EMP2: variants seen among roughly 807,000 people sequenced by gnomAD.
EMP2 encodes the protein epithelial membrane protein 2.
EMP2 carries 19 observed loss-of-function variants against 13.7 expected under a neutral mutation model. The observed-to-expected ratio is 1.38, with a 90% confidence interval of 0.97 to 2.03. The LOEUF (loss-of-function observed/expected upper bound fraction) is 2.03. Ranked by LOEUF, EMP2 falls within the 30% of genes most tolerant of loss-of-function variation. EMP2 has a pLI of 0.00. For synonymous variants in EMP2, 97 were observed against 84.7 expected (o/e 1.15, Z -0.80); for missense variants, 253 against 220.7 (o/e 1.15, Z -0.93).
Position 10,537,946 on chromosome 16 carries a change from TG to T in EMP2, c.297del (p.Ile100SerfsTer4). The T allele has an allele frequency of 6.2e-7, 1 of 1,614,126 alleles. No homozygotes were observed. Among genetic ancestry groups the T allele is most frequent in the Non-Finnish European group, 8.5e-7 (1 of 1,180,024 alleles). On this transcript the variant is annotated frameshift_variant, in exon 4 of 5. Coordinates refer to ENST00000359543, the MANE Select transcript of EMP2 (RefSeq NM_001424.6). LOFTEE classifies it low-confidence loss of function (END_TRUNC). ...TACTTACATGACATTAGCTGGATGA[TG>T]GAGGTTAGGACAAACCTCTCTCCCT... ...LKQGERFVLT[S>X]IIQLMSCLCV...
chr16:10,567,380 C>A (rs2050913821), intron 1 of EMP2, among the ~76,000 whole-genome samples: 1 of 152,196 alleles, frequency 6.6e-6, no homozygotes. Context: ...CCTTGGCAGC[C>A]CCATGGCCTC....
intron 2 of EMP2, chr16:10,544,090 G>C (rs1419862689): frequency 5.8e-6 from 1 of 171,626 alleles, no homozygotes; most frequent in African/African-American, 2.4e-5. Context: ...CTGACCTCAG[G>C]TGATCCGCCC....
chr16:10,552,522 T>C (rs966062866), intron 1 of EMP2, among the ~76,000 whole-genome samples: 13 of 152,220 alleles, frequency 8.5e-5, no homozygotes, highest in African/African-American at 3.1e-4. Flanking sequence ...CTAGTCAGTC[T>C]CCAATACTTG....
chr16:10,541,230 C>G (rs1009563760), intron 3 of EMP2, among the ~76,000 whole-genome samples: 1 of 109,706 alleles, frequency 9.1e-6, no homozygotes, highest in South Asian at 3.0e-4. Context: ...CAGCAAGACC[C>G]TGTCTCCACT....
chr16:10,536,199 G>T (rs2050645947), intron 4 of EMP2, among the ~76,000 whole-genome samples: 1 of 152,084 alleles, frequency 6.6e-6, no homozygotes, highest in South Asian at 2.1e-4. Context: ...CCTGGACTGG[G>T]GTTTCCTAGG....
In EMP2 at chr16:10,531,235, G is replaced by C. The variant is rs1346095419; in HGVS notation, c.*1670C>G. On this transcript the variant is annotated 3_prime_UTR_variant, in exon 5 of 5. Coordinates refer to ENST00000359543, the MANE Select transcript of EMP2 (RefSeq NM_001424.6). The stretch of plus-strand genomic sequence containing the variant: ...GATCCACCTGCCTCAGCCTCCCAAA[G>C]TGCTGGGATTACAGGTGTGAGCCAC... The C allele has an allele frequency of 6.6e-6, 1 of 152,148 alleles. No homozygotes were observed. 9.4% of individuals were successfully genotyped at this position (152,148 alleles called of 1,614,324 possible).
At chr16:10,540,538 A>ATAAATAAATAAATAAATAAC (rs1420012559) in intron 3 of EMP2, among the ~76,000 whole-genome samples, 1 of 151,702 alleles carries the variant, frequency 6.6e-6, no homozygotes, top group African/African-American at 2.4e-5. Flanking sequence ...AAATAAATAA[A>ATAAATAAATAAATAAATAAC]TAGATTTCTC....
chr16:10,546,981 T>C (rs948556748), intron 2 of EMP2: 3 of 151,850 alleles, frequency 2.0e-5, no homozygotes, highest in African/African-American at 7.2e-5. Context: ...AACCTGAACA[T>C]GGGACGGCCT....
Position 10,533,373 on chromosome 16 carries a change from C to T in EMP2, c.317-281G>A, listed in dbSNP as rs80158015. Among the ~76,000 whole-genome samples the T allele has an allele frequency of 6.1e-3, 925 of 152,208 alleles. 7 individuals carry two copies. The highest frequency in any genetic ancestry group is 0.021 in the African/African-American group (888 of 41,512). On this transcript the variant is annotated intron_variant, in intron 4 of 4. Coordinates refer to ENST00000359543, the MANE Select transcript of EMP2 (RefSeq NM_001424.6). ...ATTATTAATAGGTATTTATTTTAGT[C>T]TATTGGAAAAATTACAACTGATATT... is the stretch of plus-strand genomic sequence containing the variant.
chr16:10,573,279 T>C (rs1217984849), intron 1 of EMP2, among the ~76,000 whole-genome samples: 3 of 152,124 alleles, frequency 2.0e-5, no homozygotes, highest in Non-Finnish European at 2.9e-5. Flanking sequence ...TCAAAACTCC[T>C]GTGCTCAAGC....
chr16:10,555,527 G>A (rs7195467), intron 1 of EMP2, among the ~76,000 whole-genome samples: 1 of 151,814 alleles, frequency 6.6e-6, no homozygotes, highest in African/African-American at 2.4e-5. Flanking sequence ...AGAACCAAAA[G>A]GTATATGGTG....
intron 1 of EMP2, among the ~76,000 whole-genome samples, chr16:10,567,585 G>A (rs2050915920): frequency 6.6e-6 from 1 of 152,194 alleles, no homozygotes; most frequent in Non-Finnish European, 1.5e-5. Flanking sequence ...GAAGCTCAAG[G>A]TAAGGCCAGG....
chr16:10,538,496 T>C (rs1002591250), intron 3 of EMP2, among the ~76,000 whole-genome samples: 1 of 152,150 alleles, frequency 6.6e-6, no homozygotes, highest in African/African-American at 2.4e-5. Flanking sequence ...GACTCAGGGC[T>C]CATGGGACTG....
chr16:10,576,206 T>C lies in EMP2; in HGVS notation c.-61+4343A>G, dbSNP rs150644217. Among the ~76,000 whole-genome samples the C allele has an allele frequency of 2.9e-3, 444 of 152,284 alleles. 3 individuals carry two copies. The highest frequency in any genetic ancestry group is 0.016 in the South Asian group (78 of 4,828). On this transcript the variant is annotated intron_variant, in intron 1 of 4. Coordinates refer to ENST00000359543, the MANE Select transcript of EMP2 (RefSeq NM_001424.6). Reference sequence around the variant, plus strand: ...ACCAATCAAGAAGAAGACATAATTATTCTTTTCTGTTTTTATGCCATGGGC... The same window carrying C: ...ACCAATCAAGAAGAAGACATAATTACTCTTTTCTGTTTTTATGCCATGGGC...
At chr16:10,563,721 G>C (rs550646902) in intron 1 of EMP2, among the ~76,000 whole-genome samples, 2 of 152,336 alleles carry the variant, frequency 1.3e-5, no homozygotes, top group East Asian at 3.9e-4. Flanking sequence ...GCACAGACTT[G>C]AGCCAGACTG....
Position 10,561,875 on chromosome 16 carries a change from T to G in EMP2, c.-60-14198A>C, listed in dbSNP as rs139460109. Among the ~76,000 whole-genome samples the G allele has an allele frequency of 5.8e-3, 877 of 152,304 alleles. 2 individuals carry two copies. Among genetic ancestry groups the G allele is most frequent in the African/African-American group, 0.02 (847 of 41,556 alleles). ...TAACAAGTGAAAAATGAAGCTAGAC[T>G]TTTATTTAAAATCTGGCAATAAAAG... is the stretch of plus-strand genomic sequence containing the variant. On this transcript the variant is annotated intron_variant, in intron 1 of 4. Transcript: ENST00000359543.
Position 10,529,002 on chromosome 16 carries a change from G to C in EMP2, c.*3903C>G, listed in dbSNP as rs955414414. The C allele has an allele frequency of 2.6e-5, 4 of 151,480 alleles. No individual in the cohort carries two copies. The highest frequency in any genetic ancestry group is 1.5e-5 in the Non-Finnish European group (1 of 67,928). 9.4% of individuals were successfully genotyped at this position (151,480 alleles called of 1,614,324 possible). On this transcript the variant is annotated 3_prime_UTR_variant, in exon 5 of 5. Transcript: ENST00000359543. ...AGTGTGTGGGAGTGAATAGGTCTCC[G>C]ATGTTCCTGTATTCAGGTATATATA...
At chr16:10,553,618 T>G (rs1434239328) in intron 1 of EMP2, among the ~76,000 whole-genome samples, 5 of 152,190 alleles carry the variant, frequency 3.3e-5, no homozygotes, top group African/African-American at 1.2e-4. Flanking sequence ...GCCACAAGTC[T>G]AAGCCGCATC....
intron 3 of EMP2, among the ~76,000 whole-genome samples, chr16:10,542,865 A>G (rs900282812): frequency 6.6e-5 from 10 of 152,286 alleles, no homozygotes; most frequent in Admixed American, 1.3e-4. Context: ...TTTGTTTTTG[A>G]GACAGGGTCT....
Sources: allele counts gnomAD v4.1 joint callset (sites outside exome capture counted in the v4.1 genomes callset), GRCh38; gene constraint gnomAD v4.1.1; transcripts MANE v1.5; gene names NCBI Gene and HGNC (gene_info 2026-07-23, HGNC 2026-07-21).